RIC8B: variants seen among roughly 807,000 people sequenced by gnomAD.
RIC8B encodes the protein chaperone Ric-8B.
In RIC8B, 16 loss-of-function variants were observed where a neutral mutation model predicts 57.5. The observed-to-expected ratio is 0.28, with a 90% CI of 0.19 to 0.42. The LOEUF is 0.42. RIC8B is among the 10% of genes least tolerant of loss of function. RIC8B has a pLI of 1.00. For synonymous variants in RIC8B, 216 were observed against 250.8 expected (o/e 0.86, Z 1.31); for missense variants, 481 against 677.0 (o/e 0.71, Z 3.21).
At position 106,845,987 on chromosome 12, in the gene RIC8B, C is replaced by A. The variant is rs538503188; in HGVS notation, c.1161+2040C>A. On this transcript the variant is annotated intron_variant, in intron 6 of 9. Coordinates refer to ENST00000392837, the MANE Select transcript of RIC8B (RefSeq NM_001330145.2). ...CACAATAGAGAACCTCTTTGTTGAT[C>A]TTCCTCGTTTTCCTAACCCTAAATG... is the stretch of plus-strand genomic sequence containing the variant. 1.3e-5 allele frequency among the ~76,000 whole-genome samples: 2 copies of A among 152,290 alleles called. 1 individual carries two copies. The highest frequency in any genetic ancestry group is 4.2e-4 in the South Asian group (2 of 4,814).
In RIC8B at chr12:106,855,804, T is replaced by C. The variant is rs558750147; in HGVS notation, c.1306+4210T>C. Among the ~76,000 whole-genome samples the C allele has an allele frequency of 2.6e-5, 4 of 152,262 alleles. No individual in the cohort carries two copies. The South Asian group carries it at 8.3e-4, about 32-fold the overall frequency. On this transcript the variant is annotated intron_variant, in intron 7 of 9. Transcript: ENST00000392837. ...CTCCCTTGGCTTCTGTTTGCGTAGA[T>C]TCCCAAATCTATGTATCTTTAGCCC...
chr12:106,788,694 G>A (rs1566037447), intron 2 of RIC8B, among the ~76,000 whole-genome samples: 1 of 152,174 alleles, frequency 6.6e-6, no homozygotes, highest in Non-Finnish European at 1.5e-5. Context: ...TTTTAGCAAT[G>A]GCTGGAGCAT....
chr12:106,795,009 G>T (rs552044455), intron 2 of RIC8B, among the ~76,000 whole-genome samples: 3 of 152,156 alleles, frequency 2.0e-5, no homozygotes, highest in Non-Finnish European at 4.4e-5. Flanking sequence ...CAGCACAATG[G>T]TGAATGGGAG....
intron 6 of RIC8B, among the ~76,000 whole-genome samples, chr12:106,849,358 G>T (rs1476602396): frequency 6.9e-6 from 1 of 145,780 alleles, no homozygotes; most frequent in Non-Finnish European, 1.5e-5. Context: ...TCGCTATGTT[G>T]CCCAGGCTGG....
At chr12:106,838,000 T>C (rs1041209543) in intron 4 of RIC8B, among the ~76,000 whole-genome samples, 4 of 152,184 alleles carry the variant, frequency 2.6e-5, no homozygotes, top group African/African-American at 9.6e-5. Flanking sequence ...GTTTGGTTGA[T>C]ACACAAAAAG....
chr12:106,853,121 G>T (rs1211325073), intron 7 of RIC8B, among the ~76,000 whole-genome samples: 1 of 151,712 alleles, frequency 6.6e-6, no homozygotes, highest in Admixed American at 6.6e-5. Context: ...GTATTTTTTT[G>T]TATACCTTTA....
rs564433083 is a variant in RIC8B, at chr12:106,867,444, A to G, written c.1452-3379A>G. Reference sequence around the variant, plus strand: ...ATTACCCAATAAAATGTCCACCACAATTAGTGTTCTTAAAGCATCTTAAGA... The same window carrying G: ...ATTACCCAATAAAATGTCCACCACAGTTAGTGTTCTTAAAGCATCTTAAGA... On this transcript the variant is annotated intron_variant, in intron 8 of 9. Transcript: ENST00000392837. The surrounding 1 kb of genome is among the most constrained non-coding windows in gnomAD (Gnocchi z 4.3). Among the ~76,000 whole-genome samples, 4 of 152,306 alleles carry G rather than the reference A, an allele frequency of 2.6e-5. No individual in the cohort carries two copies. The highest frequency in any genetic ancestry group is 9.6e-5 in the African/African-American group (4 of 41,548).
intron 2 of RIC8B, 116 bp downstream of exon 2, chr12:106,784,160 T>G: frequency 9.7e-7 from 1 of 1,027,430 alleles, no homozygotes; most frequent in Non-Finnish European, 1.5e-6. Flanking sequence ...TTGTTTCCCT[T>G]CATTTTGTTT....
At chr12:106,828,194 T>G (rs1449910370) in intron 4 of RIC8B, among the ~76,000 whole-genome samples, 1 of 152,224 alleles carries the variant, frequency 6.6e-6, no homozygotes, top group Non-Finnish European at 1.5e-5. Flanking sequence ...TTATGAGTAT[T>G]TCTCAGAGGC....
intron 9 of RIC8B, among the ~76,000 whole-genome samples, chr12:106,878,417 C>A (rs1950769615): frequency 6.6e-6 from 1 of 152,130 alleles, no homozygotes; most frequent in Admixed American, 6.6e-5. Context: ...ATACTGAAAT[C>A]TTGATATAAG....
intron 8 of RIC8B, among the ~76,000 whole-genome samples, chr12:106,866,475 T>C (rs1202984787): frequency 6.6e-6 from 1 of 152,156 alleles, no homozygotes; most frequent in African/African-American, 2.4e-5. Context: ...CCCTGGAAAG[T>C]TGTTTTAGTT....
chr12:106,859,270 C>T (rs1949832492), intron 7 of RIC8B, among the ~76,000 whole-genome samples: 1 of 152,054 alleles, frequency 6.6e-6, no homozygotes, highest in Non-Finnish European at 1.5e-5. Flanking sequence ...ACAAAGCTGC[C>T]AGTTATTGCT....
intron 7 of RIC8B, among the ~76,000 whole-genome samples, chr12:106,855,094 C>G (rs545201871): frequency 1.7e-4 from 26 of 152,322 alleles, no homozygotes; most frequent in Admixed American, 5.2e-4. Context: ...GTTCCCCCCC[C>G]ACCTTTTATC....
chr12:106,825,021 GTCT>G (rs1361076408), intron 3 of RIC8B, among the ~76,000 whole-genome samples: 4 of 152,134 alleles, frequency 2.6e-5, no homozygotes, highest in Non-Finnish European at 4.4e-5. Context: ...AATTTCATGT[GTCT>G]TCTTAATTAT....
intron 9 of RIC8B, among the ~76,000 whole-genome samples, chr12:106,872,516 A>G (rs1950476255): frequency 1.3e-5 from 2 of 152,202 alleles, no homozygotes; most frequent in South Asian, 4.2e-4. Context: ...TGAAAATACA[A>G]ATTTAGCCGG....
chr12:106,809,644 A>G (rs1458902634), intron 2 of RIC8B, among the ~76,000 whole-genome samples: 1 of 152,198 alleles, frequency 6.6e-6, no homozygotes, highest in Non-Finnish European at 1.5e-5. Context: ...ATTACAGGTT[A>G]CACATCCCAA....
At chr12:106,802,534 A>ATT (rs34706345) in intron 2 of RIC8B, among the ~76,000 whole-genome samples, 125 of 102,158 alleles carry the variant, frequency 1.2e-3, no homozygotes, top group South Asian at 0.011. Flanking sequence ...CAATATGAGA[A>ATT]TTTTTTTTTT....
intron 2 of RIC8B, among the ~76,000 whole-genome samples, chr12:106,808,336 C>G (rs1353881061): frequency 6.6e-6 from 1 of 152,096 alleles, no homozygotes; most frequent in African/African-American, 2.4e-5. Context: ...AACTAGCCTT[C>G]TGAGGACACT....
intron 1 of RIC8B, 111 bp downstream of exon 1, chr12:106,774,940 C>T (rs1273101817): frequency 7.3e-6 from 6 of 820,364 alleles, no homozygotes; most frequent in Middle Eastern, 4.8e-4. Flanking sequence ...CATTGCTCTC[C>T]CCCGAAAACG....
Sources: allele counts gnomAD v4.1 joint callset (sites outside exome capture counted in the v4.1 genomes callset), GRCh38; gene constraint gnomAD v4.1.1; non-coding constraint Gnocchi (gnomAD v3.1); transcripts MANE v1.5; gene names NCBI Gene and HGNC (gene_info 2026-07-23, HGNC 2026-07-21).